The following CSNK1A1 variants were observed in gnomAD, a reference collection of about 807,000 sequenced individuals.
CSNK1A1 encodes the protein casein kinase 1 alpha 1.
In CSNK1A1, 7 loss-of-function variants were observed where a neutral mutation model predicts 46.1. The observed-to-expected ratio is 0.15, with a 90% CI of 0.09 to 0.29. The LOEUF is 0.29. Ranked by LOEUF, CSNK1A1 falls within the 10% of genes least tolerant of loss-of-function variation. The pLI is 1.00. For missense variants in CSNK1A1, 96 were observed against 417.1 expected, an observed-to-expected ratio of 0.23 and a Z score of 6.71; for synonymous variants, 137 against 141.5, an observed-to-expected ratio of 0.97 and a Z score of 0.23.
intron 2 of CSNK1A1, among the ~76,000 whole-genome samples, chr5:149,544,764 T>TAG (rs1762416160): frequency 8.5e-6 from 1 of 118,160 alleles, no homozygotes; most frequent in Non-Finnish European, 1.8e-5. Flanking sequence ...TATATATATA[T>TAG]AGTTATTGAC....
intron 2 of CSNK1A1, among the ~76,000 whole-genome samples, chr5:149,542,622 ATATATATATATATATATG>A (rs1762294755): frequency 2.9e-4 from 4 of 13,776 alleles, no homozygotes; most frequent in African/African-American, 4.6e-4. Flanking sequence ...ATATATATAT[ATATATATATATATATATG>A]TATATATATA....
chr5:149,539,493 A>G (rs1390127364), intron 2 of CSNK1A1, among the ~76,000 whole-genome samples: 1 of 151,220 alleles, frequency 6.6e-6, no homozygotes, highest in Non-Finnish European at 1.5e-5. Context: ...GAAAGAAAAG[A>G]GTATAGCCTT....
In CSNK1A1 at chr5:149,513,121, G is replaced by A; in HGVS notation, c.545C>T (p.Thr182Ile). 6.2e-7 allele frequency: 1 copy of A among 1,614,150 alleles called. No homozygotes were observed. Reference sequence around the variant, plus strand: ...GATGCTAGCATATCGGGCAGTGCCAGTGAGGTTTTTATCTTCTCTGTATGG... The same window carrying A: ...GATGCTAGCATATCGGGCAGTGCCAATGAGGTTTTTATCTTCTCTGTATGG... ...HIPYREDKNL[T>I]GTARYASINA... Residue 182 changes from threonine to isoleucine, a missense_variant, in exon 5 of 10, where the codon ACT becomes ATT. Thr to Ile is a moderately conservative substitution (Grantham distance 89). Transcript: ENST00000377843.
intron 2 of CSNK1A1, among the ~76,000 whole-genome samples, chr5:149,530,499 C>T (rs946904725): frequency 6.6e-6 from 1 of 152,136 alleles, no homozygotes; most frequent in Admixed American, 6.5e-5. Context: ...TTTAATAGCA[C>T]CTACAAGATA....
chr5:149,511,685 T>C, intron 6 of CSNK1A1, 109 bp downstream of exon 6: 1 of 751,852 alleles, frequency 1.3e-6, no homozygotes, highest in Non-Finnish European at 2.2e-6. Context: ...ATTCTTTATA[T>C]CTCAGAAAAA....
intron 9 of CSNK1A1, chr5:149,501,159 GCAGTCTTGGAGACATGGACTCCAGATGAC>G: frequency 1.0e-6 from 1 of 985,382 alleles, no homozygotes; most frequent in Non-Finnish European, 1.2e-6. Flanking sequence ...TGAAGGTCCA[GCAGTCTTGGAGACATGGACTCCAGATGAC>G]CACAAACCAA....
intron 2 of CSNK1A1, among the ~76,000 whole-genome samples, chr5:149,531,100 A>G (rs980975766): frequency 3.9e-5 from 6 of 152,032 alleles, no homozygotes; most frequent in Non-Finnish European, 8.8e-5. Context: ...GCCATTCATT[A>G]TACACAGATG....
chr5:149,506,383 A>G (rs921259199), intron 8 of CSNK1A1, among the ~76,000 whole-genome samples: 2 of 151,572 alleles, frequency 1.3e-5, no homozygotes, highest in Non-Finnish European at 2.9e-5. Context: ...ATTAAAGGTG[A>G]GCACCACCTC....
chr5:149,540,396 G>T (rs182377492), intron 2 of CSNK1A1, among the ~76,000 whole-genome samples: 1 of 152,042 alleles, frequency 6.6e-6, no homozygotes, highest in Non-Finnish European at 1.5e-5. Context: ...TGCTCACACC[G>T]ACAAGAAAAA....
intron 2 of CSNK1A1, among the ~76,000 whole-genome samples, chr5:149,531,088 T>C (rs1761882551): frequency 6.6e-6 from 1 of 152,122 alleles, no homozygotes; most frequent in African/African-American, 2.4e-5. Context: ...TAACAGCTAT[T>C]TGCCATTCAT....
chr5:149,517,437 G>A lies in CSNK1A1; in HGVS notation c.456+2853C>T, dbSNP rs752666679. ...AAATATATTTCGTGCATTAAGTTGT[G>A]TAACTCCAAATAAATTTTTAAAAAC... is the stretch of plus-strand genomic sequence containing the variant. On this transcript the variant is annotated intron_variant, in intron 4 of 9. Coordinates refer to ENST00000377843, the MANE Select transcript of CSNK1A1 (RefSeq NM_001892.6). The surrounding 1 kb of genome is among the most constrained non-coding windows in gnomAD (Gnocchi z 4.4). 6.6e-6 allele frequency among the ~76,000 whole-genome samples: 1 copy of A among 152,146 alleles called. No individual in the cohort carries two copies. Among genetic ancestry groups the A allele is most frequent in the Non-Finnish European group, 1.5e-5 (1 of 68,026 alleles).
At chr5:149,504,275 A>C in intron 9 of CSNK1A1, 1 of 985,464 alleles carries the variant, frequency 1.0e-6, no homozygotes, top group Non-Finnish European at 1.2e-6. Context: ...TTCATTCCTA[A>C]CAGATGAGCT....
In CSNK1A1 at chr5:149,493,262, G is replaced by C. The variant is rs1353321555; in HGVS notation, c.*3591C>G. The C allele has an allele frequency of 6.6e-6, 1 of 152,006 alleles. No individual in the cohort carries two copies. Among genetic ancestry groups the C allele is most frequent in the South Asian group, 2.1e-4 (1 of 4,826 alleles). The allele number at this position is 152,006 out of a possible 1,614,324, so 9.4% of individuals were successfully genotyped here. On this transcript the variant is annotated 3_prime_UTR_variant, in exon 10 of 10. Coordinates refer to ENST00000377843, the MANE Select transcript of CSNK1A1 (RefSeq NM_001892.6). ...ATTTTTGTATTTTTAGTAGAGACAG[G>C]GTTTCACTATGTTGGCCAGGCTGGT...
chr5:149,521,545 C>A (rs1244574478), intron 3 of CSNK1A1, among the ~76,000 whole-genome samples: 1 of 152,016 alleles, frequency 6.6e-6, no homozygotes, highest in African/African-American at 2.4e-5. Flanking sequence ...CCTCGACCTC[C>A]CAATGTGGTA....
Position 149,544,737 on chromosome 5 carries a change from TTATA to T in CSNK1A1, c.230+5334_230+5337del, listed in dbSNP as rs375444306. 1.2e-3 allele frequency among the ~76,000 whole-genome samples: 100 copies of T among 80,808 alleles called. 9 individuals carry two copies. The highest frequency in any genetic ancestry group is 5.7e-3 in the Middle Eastern group (1 of 174). The allele number at this position is 80,808 out of a possible 152,430, so 53.0% of individuals were successfully genotyped here. ...GTGAGGATGATGAGGGTAAAGAGCT[TTATA>T]TATATATATATATATATATATATAG... On this transcript the variant is annotated intron_variant, in intron 2 of 9. Coordinates refer to ENST00000377843, the MANE Select transcript of CSNK1A1 (RefSeq NM_001892.6).
At chr5:149,523,820 T>C (rs548287735) in intron 3 of CSNK1A1, among the ~76,000 whole-genome samples, 21 of 152,340 alleles carry the variant, frequency 1.4e-4, no homozygotes, top group African/African-American at 4.8e-4. Context: ...GTTAGGAACA[T>C]TACAATTCTA....
chr5:149,508,904 TTTAAC>T (rs1374426288), intron 7 of CSNK1A1, among the ~76,000 whole-genome samples: 4 of 152,304 alleles, frequency 2.6e-5, no homozygotes, highest in South Asian at 4.1e-4. Flanking sequence ...AAAACGTTTA[TTTAAC>T]TTATTTTTTA....
At chr5:149,504,621 G>A in intron 9 of CSNK1A1, 2 of 985,408 alleles carry the variant, frequency 2.0e-6, no homozygotes, top group Non-Finnish European at 2.4e-6. Context: ...CAGTAAGAGT[G>A]CCAAAGAAAA....
chr5:149,510,806 CA>C (rs1488558491), intron 6 of CSNK1A1, among the ~76,000 whole-genome samples: 2 of 152,092 alleles, frequency 1.3e-5, no homozygotes, highest in African/African-American at 4.8e-5. Flanking sequence ...AACCCATGTT[CA>C]ACACAAGGGC....
Sources: gnomAD v4.1 joint callset for allele counts (sites outside exome capture counted in the v4.1 genomes callset) on GRCh38, gnomAD v4.1.1 for gene constraint, Gnocchi (gnomAD v3.1) non-coding constraint, MANE v1.5 for transcripts, NCBI Gene and HGNC (gene_info 2026-07-23, HGNC 2026-07-21) for gene names.